The following LINGO2 variants were observed in gnomAD, a reference collection of about 807,000 sequenced individuals.
LINGO2 encodes leucine rich repeat and Ig domain containing 2, also known as leucine-rich repeat and immunoglobulin-like domain-containing nogo receptor-interacting protein 2.
A neutral mutation model predicts 30.6 loss-of-function variants in LINGO2; 14 were observed. The ratio of observed to expected loss-of-function variants is 0.46; its 90% CI spans 0.30 to 0.72. The LOEUF is 0.72. Ranked by LOEUF, LINGO2 falls within the 30% of genes least tolerant of loss-of-function variation. The pLI is 0.07. For missense variants in LINGO2, 729 were observed against 751.7 expected (o/e 0.97, Z 0.35); for synonymous variants, 317 against 288.5 (o/e 1.10, Z -1.00).
chr9:27,994,181 GACC>G (rs1357367092), intron 5 of LINGO2, among the ~76,000 whole-genome samples: 1 of 151,808 alleles, frequency 6.6e-6, no homozygotes, highest in African/African-American at 2.4e-5. Context: ...AGCAATAAAT[GACC>G]ACATCAAAAA....
intron 2 of LINGO2, among the ~76,000 whole-genome samples, chr9:28,404,418 T>A (rs1187595521): frequency 6.6e-6 from 1 of 152,200 alleles, no homozygotes; most frequent in Non-Finnish European, 1.5e-5. Flanking sequence ...GTAGTCTATT[T>A]CAAGCATTTG....
chr9:28,953,152 T>C, the LINGO2 span, among the ~76,000 whole-genome samples: 2 of 152,154 alleles, frequency 1.3e-5, no homozygotes, highest in African/African-American at 4.8e-5. Flanking sequence ...GACTATTGGT[T>C]CAAAGTAAAA....
chr9:28,436,093 G>A (rs1823909891), intron 2 of LINGO2, among the ~76,000 whole-genome samples: 1 of 152,076 alleles, frequency 6.6e-6, no homozygotes, highest in Non-Finnish European at 1.5e-5. Flanking sequence ...ATAATAAATA[G>A]CCCACTCCAC....
At chr9:28,526,186 A>G (rs911957708) in intron 1 of LINGO2, among the ~76,000 whole-genome samples, 1 of 152,124 alleles carries the variant, frequency 6.6e-6, no homozygotes, top group Non-Finnish European at 1.5e-5. Context: ...AAAAATTGCT[A>G]TTGGAAAGGT....
the LINGO2 span, among the ~76,000 whole-genome samples, chr9:28,943,406 T>C: frequency 6.6e-6 from 1 of 151,952 alleles, no homozygotes; most frequent in South Asian, 2.1e-4. Context: ...AAAATGAGGA[T>C]AGATCAGGTG....
In LINGO2 at chr9:28,240,196, A is replaced by ATTT. The variant is rs1389218408; in HGVS notation, c.-87+55011_-87+55012insAAA. Among the ~76,000 whole-genome samples the ATTT allele has an allele frequency of 7.9e-5, 12 of 152,294 alleles. No individual in the cohort carries two copies. The East Asian group carries it at 1.9e-3, about 25-fold the overall frequency. ...AAGAATTAATATTGTTAAAATATCC[A>ATTT]TACTACACAAAGCAATCTATAGATT... On this transcript the variant is annotated intron_variant, in intron 4 of 5. Coordinates refer to ENST00000379992, the Ensembl canonical transcript of LINGO2.
At chr9:29,061,730 A>G in the LINGO2 span, among the ~76,000 whole-genome samples, 1 of 152,066 alleles carries the variant, frequency 6.6e-6, no homozygotes, top group Non-Finnish European at 1.5e-5. Context: ...TTGTTAGAAG[A>G]AAACATAGGG....
At chr9:28,624,002 G>C (rs1826536249) in intron 1 of LINGO2, among the ~76,000 whole-genome samples, 1 of 152,038 alleles carries the variant, frequency 6.6e-6, no homozygotes, top group South Asian at 2.1e-4. Flanking sequence ...AAATAGAAAT[G>C]CTACTGCTTT....
At chr9:28,846,198 T>A in the LINGO2 span, among the ~76,000 whole-genome samples, 2 of 151,648 alleles carry the variant, frequency 1.3e-5, no homozygotes, top group South Asian at 4.1e-4. Context: ...TTGGCTTAAG[T>A]GAATTTAGGG....
chr9:28,845,473 T>G, the LINGO2 span, among the ~76,000 whole-genome samples: 4 of 151,104 alleles, frequency 2.6e-5, no homozygotes, highest in Non-Finnish European at 5.9e-5. Context: ...GCAAAACAGT[T>G]ATACATTGTA....
At chr9:28,459,978 GT>G (rs1825012719) in intron 2 of LINGO2, among the ~76,000 whole-genome samples, 1 of 152,156 alleles carries the variant, frequency 6.6e-6, no homozygotes, top group Non-Finnish European at 1.5e-5. Flanking sequence ...ACACATTCAT[GT>G]TTTTTCATAA....
At chr9:28,676,770 T>C in the LINGO2 span, among the ~76,000 whole-genome samples, 1 of 152,152 alleles carries the variant, frequency 6.6e-6, no homozygotes, top group African/African-American at 2.4e-5. Context: ...CTTTAATCTT[T>C]TGAAAACCCA....
Position 28,528,044 on chromosome 9 carries a change from T to A in LINGO2, c.-364-52019A>T, listed in dbSNP as rs976332482. 3.9e-5 allele frequency among the ~76,000 whole-genome samples: 6 copies of A among 152,284 alleles called. No homozygotes were observed. The East Asian group carries it at 7.7e-4, about 20-fold the overall frequency. ...AATTTATTTTTGGATGATTTTCTTCTCCACACTGATGTCATGTTTTTCTCA... is the reference window on the plus strand; with the variant it reads ...AATTTATTTTTGGATGATTTTCTTCACCACACTGATGTCATGTTTTTCTCA... On this transcript the variant is annotated intron_variant, in intron 1 of 5. Coordinates refer to ENST00000379992, the Ensembl canonical transcript of LINGO2.
intron 4 of LINGO2, among the ~76,000 whole-genome samples, chr9:28,088,024 G>C (rs1001069784): frequency 3.9e-5 from 6 of 152,008 alleles, no homozygotes; most frequent in African/African-American, 1.4e-4. Flanking sequence ...TGGATGTCCA[G>C]TGAAGCAATT....
intron 1 of LINGO2, among the ~76,000 whole-genome samples, chr9:28,508,931 T>A (rs1438851036): frequency 6.6e-6 from 1 of 152,116 alleles, no homozygotes; most frequent in Non-Finnish European, 1.5e-5. Context: ...AGTGGTTGTG[T>A]GAACTACTTC....
chr9:28,694,303 T>C, the LINGO2 span, among the ~76,000 whole-genome samples: 3 of 152,028 alleles, frequency 2.0e-5, no homozygotes, highest in African/African-American at 7.2e-5. Context: ...AGTTTCCAAA[T>C]GATTTATGAA....
intron 1 of LINGO2, among the ~76,000 whole-genome samples, chr9:28,500,172 A>T (rs1169195130): frequency 1.3e-5 from 2 of 152,150 alleles, no homozygotes; most frequent in Non-Finnish European, 2.9e-5. Context: ...GACTTTGAAG[A>T]TTCCCAGATG....
chr9:28,756,375 T>G, the LINGO2 span, among the ~76,000 whole-genome samples: 2 of 152,016 alleles, frequency 1.3e-5, no homozygotes, highest in Non-Finnish European at 2.9e-5. Context: ...TAACCTGCTT[T>G]TGATTTTACA....
chr9:28,814,846 G>A, the LINGO2 span, among the ~76,000 whole-genome samples: 1 of 152,108 alleles, frequency 6.6e-6, no homozygotes, highest in Non-Finnish European at 1.5e-5. Context: ...GAGCAAATTA[G>A]TGGTTGTAGA....
Sources: gnomAD v4.1 joint callset for allele counts (sites outside exome capture counted in the v4.1 genomes callset) on GRCh38, gnomAD v4.1.1 for gene constraint, MANE v1.5 for transcripts, NCBI Gene and HGNC (gene_info 2026-07-23, HGNC 2026-07-21) for gene names.